The following DGKB variants were observed in gnomAD, a reference collection of about 807,000 sequenced individuals.
DGKB encodes the protein diacylglycerol kinase beta, also known as 90 kDa diacylglycerol kinase.
In DGKB, 67 loss-of-function variants were observed where a neutral mutation model predicts 114.3. That is an observed-to-expected ratio of 0.59 (90% CI 0.48 to 0.72). The LOEUF (loss-of-function observed/expected upper bound fraction) is 0.72, where lower values mean the gene tolerates loss of function less well. Among genes scored for constraint, DGKB ranks in the 30% least tolerant of loss-of-function variants. The pLI is 0.00. For synonymous variants in DGKB, 398 were observed against 323.1 expected, an observed-to-expected ratio of 1.23 and a Z score of -2.49; for missense variants, 907 against 975.2, an observed-to-expected ratio of 0.93 and a Z score of 0.93.
At chr7:14,826,544 T>C (rs940554834) in intron 2 of DGKB, among the ~76,000 whole-genome samples, 1 of 152,096 alleles carries the variant, frequency 6.6e-6, no homozygotes, top group South Asian at 2.1e-4. Context: ...TTGTTTTTAT[T>C]ATAATGATCA....
rs541339817 is a variant in DGKB at position 14,887,545 on chromosome 7, CT to C, written c.-188+15046del. Among the ~76,000 whole-genome samples the C allele has an allele frequency of 4.5e-4, 69 of 151,918 alleles. No homozygotes were observed. The Middle Eastern group carries it at 0.01, about 22-fold the overall frequency. On this transcript the variant is annotated intron_variant, in intron 1 of 25. Transcript: ENST00000402815. Reference sequence around the variant, plus strand: ...CAGATTTTTGTCTCCAACAACTCCCCTTAATTTCAGCCTCATATAACCACTG... The same window carrying C: ...CAGATTTTTGTCTCCAACAACTCCCCTAATTTCAGCCTCATATAACCACTG...
At chr7:14,852,453 C>T (rs550668177) in intron 1 of DGKB, among the ~76,000 whole-genome samples, 1 of 28,248 alleles carries the variant, frequency 3.5e-5, no homozygotes, top group South Asian at 1.5e-3. Context: ...TTGCTTTGGA[C>T]TTTGCAAAGA....
At chr7:14,651,180 C>A (rs1285515305) in intron 13 of DGKB, among the ~76,000 whole-genome samples, 3 of 152,058 alleles carry the variant, frequency 2.0e-5, no homozygotes, top group African/African-American at 7.2e-5. Context: ...CAAAGCCAGG[C>A]AGAGACACAA....
intron 23 of DGKB, among the ~76,000 whole-genome samples, chr7:14,182,202 T>A (rs1396794349): frequency 6.6e-6 from 1 of 152,044 alleles, no homozygotes; most frequent in East Asian, 1.9e-4. Flanking sequence ...CTCTATAAAA[T>A]AAAATAACAC....
chr7:14,738,390 G>A (rs1525095), intron 4 of DGKB, among the ~76,000 whole-genome samples: 107,635 of 152,036 alleles, frequency 0.71, 40,657 homozygotes, highest in Non-Finnish European at 0.84. Context: ...GATGATAAGG[G>A]GCATGGTCTT....
chr7:14,473,017 A>G (rs74610149), intron 21 of DGKB, among the ~76,000 whole-genome samples: 3,082 of 152,182 alleles, frequency 0.02, 90 homozygotes, highest in African/African-American at 0.071. Context: ...AGAAAATCCC[A>G]TTTTCTGAGG....
At chr7:14,222,457 T>C (rs571680697) in intron 23 of DGKB, among the ~76,000 whole-genome samples, 37 of 151,468 alleles carry the variant, frequency 2.4e-4, no homozygotes, top group South Asian at 1.2e-3. Context: ...CATATTTCTT[T>C]TGTTATTGAT....
intron 21 of DGKB, among the ~76,000 whole-genome samples, chr7:14,392,995 G>GTTTTTGTTTTTTTTTGTTTTTTT: frequency 3.3e-5 from 2 of 60,546 alleles, no homozygotes; most frequent in Non-Finnish European, 6.9e-5. Context: ...TTTTGTTTTT[G>GTTTTTGTTTTTTTTTGTTTTTTT]TTTTTTTTTT....
intron 1 of DGKB, among the ~76,000 whole-genome samples, chr7:14,841,889 C>A (rs184715903): frequency 8.5e-4 from 129 of 152,138 alleles, no homozygotes; most frequent in African/African-American, 3.0e-3. Context: ...TTCTAGCAAT[C>A]AAATAAAGAT....
intron 21 of DGKB, among the ~76,000 whole-genome samples, chr7:14,425,065 A>T (rs969748134): frequency 6.6e-6 from 1 of 152,172 alleles, no homozygotes; most frequent in Non-Finnish European, 1.5e-5. Context: ...TAGAACATTA[A>T]CAATATTGAC....
At chr7:14,172,974 T>C (rs2128239423) in intron 25 of DGKB, among the ~76,000 whole-genome samples, 1 of 152,284 alleles carries the variant, frequency 6.6e-6, no homozygotes, top group South Asian at 2.1e-4. Context: ...AAATAGACTC[T>C]GGAGTCTGGC....
rs182948071 is a variant in DGKB at position 14,631,393 on chromosome 7, G to A, written c.1135-1125C>T. Among the ~76,000 whole-genome samples, 6 of 151,934 alleles carry A rather than the reference G, an allele frequency of 3.9e-5. No individual in the cohort carries two copies. In the East Asian group the frequency reaches 1.2e-3, roughly 29 times the overall value. On this transcript the variant is annotated intron_variant, in intron 13 of 25. Transcript: ENST00000402815. ...ACTCAAAAGTGACACAGAAGGAGAA[G>A]AAGAGGTCTAGCACAGCCCCACAGA...
chr7:14,876,946 C>T (rs574531346), intron 1 of DGKB, among the ~76,000 whole-genome samples: 1 of 152,236 alleles, frequency 6.6e-6, no homozygotes, highest in South Asian at 2.1e-4. Context: ...ATTCTGTTTA[C>T]AGAAAAGAAA....
chr7:14,787,588 A>G (rs1162408077), intron 2 of DGKB, among the ~76,000 whole-genome samples: 5 of 152,176 alleles, frequency 3.3e-5, no homozygotes, highest in Non-Finnish European at 5.9e-5. Flanking sequence ...CAACAGATAC[A>G]TTTTTAAAAT....
intron 23 of DGKB, among the ~76,000 whole-genome samples, chr7:14,293,145 G>A (rs909151788): frequency 6.6e-6 from 1 of 152,016 alleles, no homozygotes; most frequent in Non-Finnish European, 1.5e-5. Flanking sequence ...TATGAACATG[G>A]TCAGTTTAAT....
At chr7:14,165,490 C>T (rs7796041) in intron 25 of DGKB, among the ~76,000 whole-genome samples, 133,899 of 152,070 alleles carry the variant, frequency 0.88, 59,197 homozygotes, top group East Asian at 1. Context: ...GCTATAAATC[C>T]TTTCTCATGT....
intron 23 of DGKB, among the ~76,000 whole-genome samples, chr7:14,284,236 T>C (rs1800455766): frequency 6.7e-6 from 1 of 148,476 alleles, no homozygotes; most frequent in African/African-American, 2.6e-5. Context: ...AAGACACTTA[T>C]GCAGCCAAAA....
chr7:14,493,604 G>A (rs1784886924), intron 20 of DGKB, among the ~76,000 whole-genome samples: 1 of 152,034 alleles, frequency 6.6e-6, no homozygotes, highest in Non-Finnish European at 1.5e-5. Context: ...TGACCTAAGT[G>A]GCAGGTAGCA....
intron 23 of DGKB, among the ~76,000 whole-genome samples, chr7:14,319,766 C>G (rs1807377826): frequency 6.6e-6 from 1 of 152,104 alleles, no homozygotes; most frequent in African/African-American, 2.4e-5. Context: ...ATCCAGTGGT[C>G]TATAGTATGT....
Sources: gnomAD v4.1 joint callset for allele counts (sites outside exome capture counted in the v4.1 genomes callset) on GRCh38, gnomAD v4.1.1 for gene constraint, MANE v1.5 for transcripts, NCBI Gene and HGNC (gene_info 2026-07-23, HGNC 2026-07-21) for gene names.